CFAP206: variants seen among roughly 807,000 people sequenced by gnomAD.
The protein encoded by CFAP206 is cilia- and flagella-associated protein 206.
CFAP206 carries 53 observed loss-of-function variants against 65.4 expected under a neutral mutation model. The ratio of observed to expected loss-of-function variants is 0.81; its 90% CI spans 0.65 to 1.02. The LOEUF (loss-of-function observed/expected upper bound fraction) is 1.02. Ranked by LOEUF, CFAP206 falls within the 50% of genes least tolerant of loss-of-function variation. The probability of loss-of-function intolerance (pLI) is 0.00; values close to 1 mark genes in which losing one functional copy is unlikely to be tolerated. For missense variants in CFAP206, 663 were observed against 753.2 expected, an observed-to-expected ratio of 0.88 and a Z score of 1.40; for synonymous variants, 250 against 254.4, an observed-to-expected ratio of 0.98 and a Z score of 0.17.
At chr6:87,457,478 C>G (rs1768667839) in intron 11 of CFAP206, among the ~76,000 whole-genome samples, 1 of 152,020 alleles carries the variant, frequency 6.6e-6, no homozygotes, top group Non-Finnish European at 1.5e-5. Context: ...ACACATAGAC[C>G]AATGGAACAG....
At chr6:87,419,108 C>CA (rs1457790579) in intron 7 of CFAP206, among the ~76,000 whole-genome samples, 1 of 148,908 alleles carries the variant, frequency 6.7e-6, no homozygotes, top group Admixed American at 6.7e-5. Context: ...GACCCTGACT[C>CA]AAAAAAACGT....
intron 7 of CFAP206, 47 bp downstream of exon 7, chr6:87,418,463 CT>C (rs780095781): frequency 6.5e-7 from 1 of 1,528,672 alleles, no homozygotes; most frequent in South Asian, 1.1e-5. Context: ...AATGCAATCT[CT>C]TTATATAAGG....
chr6:87,458,419 C>T (rs911764664), intron 11 of CFAP206, among the ~76,000 whole-genome samples: 2 of 152,024 alleles, frequency 1.3e-5, no homozygotes, highest in African/African-American at 2.4e-5. Context: ...AAGCAACCCA[C>T]GTATCCATCA....
intron 11 of CFAP206, among the ~76,000 whole-genome samples, chr6:87,454,546 T>G (rs1254051110): frequency 6.6e-6 from 1 of 151,984 alleles, no homozygotes; most frequent in Non-Finnish European, 1.5e-5. Context: ...CTAATCATAA[T>G]GGAATAAAAC....
chr6:87,414,942 A>C (rs1035168864), intron 4 of CFAP206, among the ~76,000 whole-genome samples: 1 of 152,188 alleles, frequency 6.6e-6, no homozygotes, highest in African/African-American at 2.4e-5. Context: ...AAAAGTTCTC[A>C]GTTGGTTTTG....
intron 11 of CFAP206, among the ~76,000 whole-genome samples, chr6:87,440,452 G>T (rs1268763423): frequency 6.6e-6 from 1 of 151,652 alleles, no homozygotes; most frequent in Non-Finnish European, 1.5e-5. Context: ...CCTAGACTTT[G>T]TATTTTTTTT....
intron 11 of CFAP206, among the ~76,000 whole-genome samples, chr6:87,457,436 G>C (rs1046892247): frequency 1.6e-4 from 25 of 152,084 alleles, no homozygotes; most frequent in African/African-American, 5.8e-4. Flanking sequence ...GCTATAGTAA[G>C]CAAAATAGCA....
chr6:87,416,756 T>C lies in CFAP206; in HGVS notation c.560T>C (p.Leu187Pro). Residue 187 changes from leucine (L) to proline (P), a missense_variant, in exon 6 of 13, where the codon CTC (leucine) becomes CCC (proline). By Grantham distance (98) the Leu-to-Pro change is moderately conservative. Transcript: ENST00000369562. ...KKDKERQLKE[L>P]TMIVTGIRLF... ...GACAAAGAACGCCAGCTGAAAGAACTCACCATGATTGTTACTGGAATTCGT... is the reference window on the plus strand; with the variant it reads ...GACAAAGAACGCCAGCTGAAAGAACCCACCATGATTGTTACTGGAATTCGT... The C allele has an allele frequency of 6.2e-7, 1 of 1,613,824 alleles. No individual in the cohort carries two copies. Among genetic ancestry groups the C allele is most frequent in the Non-Finnish European group, 8.5e-7 (1 of 1,179,848 alleles).
chr6:87,409,874 G>A lies in CFAP206; in HGVS notation c.35G>A (p.Ser12Asn), dbSNP rs998551141. The A allele has an allele frequency of 6.2e-7, 1 of 1,613,372 alleles. No homozygotes were observed. The highest frequency in any genetic ancestry group is 1.3e-5 in the African/African-American group (1 of 74,990). Reference sequence around the variant, plus strand: ...ACTCAGGCCGAAAGTGTTATAAGGAGTATTATACGAGAAATAGGACAAGAA... The same window carrying A: ...ACTCAGGCCGAAAGTGTTATAAGGAATATTATACGAGAAATAGGACAAGAA... ...PPTQAESVIR[S>N]IIREIGQECA... The change falls in exon 2 of 13, where the codon AGT becomes AAT. Residue 12 changes from serine to asparagine, a missense_variant. Transcript: ENST00000369562.
intron 6 of CFAP206, among the ~76,000 whole-genome samples, chr6:87,417,539 C>T (rs920937763): frequency 6.9e-6 from 1 of 145,518 alleles, no homozygotes; most frequent in Admixed American, 7.0e-5. Context: ...AGATGAGTTT[C>T]TTAACAAACG....
intron 11 of CFAP206, among the ~76,000 whole-genome samples, chr6:87,451,408 A>G (rs1768540654): frequency 6.6e-6 from 1 of 151,984 alleles, no homozygotes; most frequent in Non-Finnish European, 1.5e-5. Context: ...ACATTTCTAG[A>G]CCCACCCTGG....
intron 11 of CFAP206, among the ~76,000 whole-genome samples, chr6:87,442,630 T>C (rs1377129011): frequency 6.6e-6 from 1 of 152,200 alleles, no homozygotes; most frequent in Non-Finnish European, 1.5e-5. Flanking sequence ...TTGTGGATTT[T>C]GTTTTATTAG....
At chr6:87,455,220 A>T (rs1038312155) in intron 11 of CFAP206, among the ~76,000 whole-genome samples, 44 of 152,248 alleles carry the variant, frequency 2.9e-4, no homozygotes, top group South Asian at 1.4e-3. Flanking sequence ...CCACACCCAG[A>T]CTGGAACTTT....
rs1378346566 is a variant in CFAP206 at position 87,426,516 on chromosome 6, G to A, written c.841-10G>A. 5 of 1,554,700 alleles carry A rather than the reference G, an allele frequency of 3.2e-6. No individual in the cohort carries two copies. Among genetic ancestry groups the A allele is most frequent in the Non-Finnish European group, 3.5e-6 (4 of 1,151,550 alleles). ...TAAAAATATTAATGCAAATTATGTT[G>A]TTTTCACAGTCAGATATAATTACTG... On this transcript the variant is annotated splice_polypyrimidine_tract_variant and intron_variant, in intron 7 of 12. Coordinates refer to ENST00000369562, the MANE Select transcript of CFAP206 (RefSeq NM_001031743.3).
chr6:87,416,919 A>G, intron 6 of CFAP206, 92 bp downstream of exon 6: 2 of 1,068,360 alleles, frequency 1.9e-6, no homozygotes, highest in East Asian at 5.0e-5. Context: ...CACCACTGGC[A>G]TTCTTAAATT....
rs760056642 is a variant in CFAP206, at chr6:87,426,631, A to C, written c.946A>C (p.Thr316Pro). ...CATAAAATCAAAGATAGCGGTCCCA[A>C]CATCACAAGTCTTTGTAAGTATTTG... is the stretch of plus-strand genomic sequence containing the variant. ...MTIKSKIAVP[T>P]SQVFPIFIAL... is the part of the protein sequence containing the mutation. Residue 316 changes from threonine (T) to proline (P), a missense_variant, in exon 8 of 13, where the codon ACA becomes CCA. Transcript: ENST00000369562. 2.5e-6 allele frequency: 4 copies of C among 1,587,556 alleles called. No homozygotes were observed. The highest frequency in any genetic ancestry group is 3.4e-6 in the Non-Finnish European group (4 of 1,167,290).
intron 3 of CFAP206, among the ~76,000 whole-genome samples, chr6:87,413,329 A>G (rs551814694): frequency 1.3e-3 from 192 of 152,340 alleles, no homozygotes; most frequent in African/African-American, 4.5e-3. Context: ...TTGTGGCAAC[A>G]TGGATGGAAC....
At chr6:87,432,560 G>A (rs1036892656) in intron 10 of CFAP206, among the ~76,000 whole-genome samples, 5 of 151,340 alleles carry the variant, frequency 3.3e-5, no homozygotes, top group African/African-American at 1.2e-4. Context: ...AGGAAGCAAT[G>A]ATATGGTTGG....
chr6:87,429,781 C>A (rs1768126622), intron 9 of CFAP206, among the ~76,000 whole-genome samples: 1 of 152,030 alleles, frequency 6.6e-6, no homozygotes. Flanking sequence ...TTTTCAAATT[C>A]TATTTTTTAA....
Sources: gnomAD v4.1 joint callset for allele counts (sites outside exome capture counted in the v4.1 genomes callset) on GRCh38, gnomAD v4.1.1 for gene constraint, MANE v1.5 for transcripts, NCBI Gene and HGNC (gene_info 2026-07-23, HGNC 2026-07-21) for gene names.